The following KCNMA1 variants were observed in gnomAD, a reference collection of about 807,000 sequenced individuals.
KCNMA1 encodes Calcium-activated potassium channel subunit alpha-1.
KCNMA1 carries 29 observed loss-of-function variants against 140.0 expected under a neutral mutation model. That is an observed-to-expected ratio of 0.21 (90% confidence interval 0.15 to 0.28). KCNMA1 has a LOEUF of 0.28. Among genes scored for constraint, KCNMA1 ranks in the 10% least tolerant of loss-of-function variants. KCNMA1 has a pLI of 1.00. For synonymous variants in KCNMA1, 612 were observed against 611.9 expected, an observed-to-expected ratio of 1.00 and a Z score of 0.00; for missense variants, 880 against 1,602.2, an observed-to-expected ratio of 0.55 and a Z score of 7.70.
At chr10:77,353,047 C>A (rs1381277606) in intron 2 of KCNMA1, among the ~76,000 whole-genome samples, 1 of 152,146 alleles carries the variant, frequency 6.6e-6, no homozygotes, top group East Asian at 1.9e-4. Flanking sequence ...CTGATCCAGC[C>A]CCTTGTATTT....
At chr10:77,206,327 T>C (rs1351836203) in intron 3 of KCNMA1, among the ~76,000 whole-genome samples, 1 of 152,292 alleles carries the variant, frequency 6.6e-6, no homozygotes, top group African/African-American at 2.4e-5. Flanking sequence ...CAACCTGACG[T>C]TGGATTCATT....
chr10:77,496,802 C>G (rs2042126506), intron 1 of KCNMA1, among the ~76,000 whole-genome samples: 1 of 152,130 alleles, frequency 6.6e-6, no homozygotes, highest in African/African-American at 2.4e-5. Context: ...ACAGCACTAG[C>G]AAGAGCCTGA....
At chr10:77,022,574 G>A (rs2092982012) in intron 16 of KCNMA1, among the ~76,000 whole-genome samples, 2 of 152,092 alleles carry the variant, frequency 1.3e-5, no homozygotes, top group African/African-American at 4.8e-5. Context: ...CGTATTTTCT[G>A]TAAGGAACCC....
intron 2 of KCNMA1, among the ~76,000 whole-genome samples, chr10:77,310,202 G>A (rs1045474095): frequency 2.6e-5 from 4 of 152,202 alleles, no homozygotes; most frequent in African/African-American, 7.2e-5. Flanking sequence ...AACTAAACCA[G>A]TCTCTCAAAT....
intron 5 of KCNMA1, among the ~76,000 whole-genome samples, chr10:77,141,688 T>C (rs1426937662): frequency 6.6e-6 from 1 of 152,192 alleles, no homozygotes; most frequent in Admixed American, 6.5e-5. Flanking sequence ...CTTCCCAGGG[T>C]ACTGAGTGTA....
rs1328302983 is a variant in KCNMA1 at position 77,353,975 on chromosome 10, G to C, written c.540+49887C>G. On this transcript the variant is annotated intron_variant, in intron 2 of 27. Coordinates refer to ENST00000286628, the MANE Select transcript of KCNMA1 (RefSeq NM_001161352.2). ...TGGCATCCTGCCTCTTTTTTTGGGG[G>C]GGGGGGTGGTGGGGGTGGAGGGGTG... Among the ~76,000 whole-genome samples the C allele has an allele frequency of 3.5e-5, 5 of 144,596 alleles. 1 individual carries two copies. The highest frequency in any genetic ancestry group is 1.3e-4 in the African/African-American group (5 of 37,436). The allele number at this position is 144,596 out of a possible 152,430, so 94.9% of individuals were successfully genotyped here.
chr10:77,544,150 CTGTGTGTGTGTGTGTGTGTGTG>C (rs35370605), intron 1 of KCNMA1, among the ~76,000 whole-genome samples: 1 of 142,458 alleles, frequency 7.0e-6, no homozygotes, highest in Non-Finnish European at 1.5e-5. Context: ...ATCTTTCCAG[CTGTGTGTGTGTGTGTGTGTGTG>C]TGTGTGTGTG....
chr10:77,366,926 T>C (rs936279821), intron 2 of KCNMA1, among the ~76,000 whole-genome samples: 1 of 152,250 alleles, frequency 6.6e-6, no homozygotes, highest in Non-Finnish European at 1.5e-5. Context: ...TTGTCTTCAT[T>C]CTGTAAGCTC....
At chr10:76,963,628 G>GA (rs1483825668) in intron 20 of KCNMA1, among the ~76,000 whole-genome samples, 1 of 152,164 alleles carries the variant, frequency 6.6e-6, no homozygotes, top group Non-Finnish European at 1.5e-5. Flanking sequence ...CTGTGACTCT[G>GA]TGGAACTCGA....
At chr10:77,008,640 G>A (rs2089863912) in intron 18 of KCNMA1, among the ~76,000 whole-genome samples, 1 of 152,228 alleles carries the variant, frequency 6.6e-6, no homozygotes, top group African/African-American at 2.4e-5. Context: ...AGCTAGGGGT[G>A]GAAGTGAAAG....
intron 1 of KCNMA1, among the ~76,000 whole-genome samples, chr10:77,541,618 G>A (rs2060203239): frequency 6.6e-6 from 1 of 152,128 alleles, no homozygotes; most frequent in Non-Finnish European, 1.5e-5. Context: ...TCAGTGTGTA[G>A]AAAGTACATG....
intron 1 of KCNMA1, among the ~76,000 whole-genome samples, chr10:77,549,045 C>G (rs2062103460): frequency 1.3e-5 from 2 of 152,226 alleles, no homozygotes; most frequent in African/African-American, 4.8e-5. Context: ...ACTAGACTCA[C>G]ACACTGAGCA....
At chr10:77,085,137 C>G (rs1383684285) in intron 11 of KCNMA1, among the ~76,000 whole-genome samples, 2 of 152,170 alleles carry the variant, frequency 1.3e-5, no homozygotes, top group Admixed American at 6.5e-5. Flanking sequence ...AGCAAGGTAA[C>G]TGAGTATTGG....
chr10:77,408,552 G>A (rs760642221), intron 1 of KCNMA1, among the ~76,000 whole-genome samples: 1 of 152,348 alleles, frequency 6.6e-6, no homozygotes, highest in African/African-American at 2.4e-5. Flanking sequence ...ACACATGCGT[G>A]TGTGTGTCTG....
chr10:76,935,246 T>C (rs955887439), intron 23 of KCNMA1, among the ~76,000 whole-genome samples: 2 of 152,242 alleles, frequency 1.3e-5, no homozygotes, highest in African/African-American at 2.4e-5. Context: ...GCCCCTTAGG[T>C]GCAAGGACCA....
intron 19 of KCNMA1, among the ~76,000 whole-genome samples, chr10:76,976,644 C>T (rs2077637156): frequency 6.6e-6 from 1 of 152,112 alleles, no homozygotes; most frequent in Non-Finnish European, 1.5e-5. Flanking sequence ...CCAAAGCCCC[C>T]CATATCTAGA....
intron 1 of KCNMA1, among the ~76,000 whole-genome samples, chr10:77,490,723 A>G (rs1276783273): frequency 6.6e-6 from 1 of 152,198 alleles, no homozygotes; most frequent in African/African-American, 2.4e-5. Context: ...ACACAGAAAC[A>G]GTCTATTTAC....
At chr10:77,053,249 C>A (rs141051429) in intron 14 of KCNMA1, among the ~76,000 whole-genome samples, 44 of 152,342 alleles carry the variant, frequency 2.9e-4, no homozygotes, top group African/African-American at 1.0e-3. Flanking sequence ...CAGCACACAG[C>A]TGTTCTCCTT....
chr10:77,470,969 C>T (rs1379622443), intron 1 of KCNMA1, among the ~76,000 whole-genome samples: 1 of 152,098 alleles, frequency 6.6e-6, no homozygotes, highest in Non-Finnish European at 1.5e-5. Context: ...CAGCCCGGCT[C>T]ATCCAATGGA....
Sources: gnomAD v4.1 joint callset for allele counts (sites outside exome capture counted in the v4.1 genomes callset) on GRCh38, gnomAD v4.1.1 for gene constraint, MANE v1.5 for transcripts, NCBI Gene and HGNC (gene_info 2026-07-23, HGNC 2026-07-21) for gene names.